The following CPED1 variants were observed in gnomAD, a reference collection of about 807,000 sequenced individuals.
CPED1 encodes the protein cadherin like and PC-esterase domain containing 1.
CPED1 carries 114 observed loss-of-function variants against 128.2 expected under a neutral mutation model. That is an observed-to-expected ratio of 0.89 (90% confidence interval 0.76 to 1.04). The LOEUF is 1.04. Among genes scored for constraint, CPED1 ranks in the 50% least tolerant of loss-of-function variants. CPED1 has a pLI of 0.00. For synonymous variants in CPED1, 462 were observed against 426.7 expected (o/e 1.08, Z -1.02); for missense variants, 1,211 against 1,207.1 (o/e 1.00, Z -0.05).
chr7:121,063,527 C>T (rs1342760241), intron 4 of CPED1, among the ~76,000 whole-genome samples: 1 of 151,906 alleles, frequency 6.6e-6, no homozygotes, highest in Non-Finnish European at 1.5e-5. Context: ...TGCTGCAATA[C>T]TTTATTAGGT....
chr7:121,008,918 G>A (rs527473897), intron 2 of CPED1, among the ~76,000 whole-genome samples: 2 of 152,266 alleles, frequency 1.3e-5, no homozygotes, highest in South Asian at 2.1e-4. Context: ...GGCAGAATCG[G>A]TTTTGCCATC....
chr7:121,293,762 A>G (rs962030982), intron 22 of CPED1, among the ~76,000 whole-genome samples: 4 of 151,836 alleles, frequency 2.6e-5, no homozygotes, highest in African/African-American at 9.7e-5. Context: ...TAGGGGAGGG[A>G]GTTCCCTAAC....
chr7:121,098,119 AT>A (rs1309847496), intron 6 of CPED1, among the ~76,000 whole-genome samples: 2 of 152,194 alleles, frequency 1.3e-5, no homozygotes, highest in Admixed American at 6.6e-5. Context: ...AAACTATAAA[AT>A]TTTAACTTCC....
intron 3 of CPED1, among the ~76,000 whole-genome samples, chr7:121,032,523 G>C (rs1038327665): frequency 4.8e-5 from 7 of 147,110 alleles, no homozygotes; most frequent in African/African-American, 7.5e-5. Context: ...ATCATACCGC[G>C]GGGGGGGCCT....
intron 16 of CPED1, among the ~76,000 whole-genome samples, chr7:121,227,295 A>G (rs888313711): frequency 6.6e-6 from 1 of 151,966 alleles, no homozygotes; most frequent in East Asian, 1.9e-4. Flanking sequence ...TATACTGACA[A>G]TAGCTTCAAT....
chr7:121,159,516 T>C (rs1353326307), intron 16 of CPED1, among the ~76,000 whole-genome samples: 2 of 152,212 alleles, frequency 1.3e-5, no homozygotes, highest in Non-Finnish European at 2.9e-5. Flanking sequence ...TGAAGTTAGA[T>C]ACATATTTAA....
intron 7 of CPED1, among the ~76,000 whole-genome samples, chr7:121,105,575 C>A (rs969624354): frequency 3.3e-5 from 5 of 152,060 alleles, no homozygotes; most frequent in African/African-American, 1.2e-4. Context: ...TATTACTTAA[C>A]CTACTTTTGC....
chr7:121,095,714 A>G (rs899784864), intron 5 of CPED1, among the ~76,000 whole-genome samples: 4 of 152,116 alleles, frequency 2.6e-5, no homozygotes, highest in African/African-American at 9.7e-5. Context: ...GCTCCACTTG[A>G]GCTAAACCAG....
intron 4 of CPED1, among the ~76,000 whole-genome samples, chr7:121,054,485 T>C (rs1323703545): frequency 6.6e-6 from 1 of 152,188 alleles, no homozygotes; most frequent in Middle Eastern, 3.2e-3. Context: ...GTGTGTGGTC[T>C]TCTTGTCTTT....
intron 22 of CPED1, among the ~76,000 whole-genome samples, chr7:121,282,361 C>T (rs575001724): frequency 1.7e-4 from 26 of 152,142 alleles, no homozygotes; most frequent in Admixed American, 9.2e-4. Flanking sequence ...ACATTCCAGT[C>T]GACCCTTTAG....
chr7:121,023,450 T>A (rs1053049822), intron 3 of CPED1, among the ~76,000 whole-genome samples: 2 of 152,140 alleles, frequency 1.3e-5, no homozygotes, highest in African/African-American at 2.4e-5. Flanking sequence ...GGTTGCTGTA[T>A]TATGTAGCAG....
chr7:121,282,805 T>C (rs1469632040), intron 22 of CPED1, among the ~76,000 whole-genome samples: 1 of 152,224 alleles, frequency 6.6e-6, no homozygotes, highest in African/African-American at 2.4e-5. Flanking sequence ...TTTGAAGTCA[T>C]TTCATTCTTG....
At chr7:121,027,881 T>A (rs1792635691) in intron 3 of CPED1, among the ~76,000 whole-genome samples, 1 of 151,990 alleles carries the variant, frequency 6.6e-6, no homozygotes, top group African/African-American at 2.4e-5. Flanking sequence ...TCTTGGAATT[T>A]AAAAAATCTT....
intron 3 of CPED1, among the ~76,000 whole-genome samples, chr7:121,025,856 A>G (rs2116843473): frequency 6.6e-6 from 1 of 152,264 alleles, no homozygotes; most frequent in African/African-American, 2.4e-5. Flanking sequence ...CTATGGGCAG[A>G]ATTTGGAGAG....
rs1348147859 is a variant in CPED1 at position 121,211,583 on chromosome 7, G to GTCCC, written c.2056-25131_2056-25130insTCCC. Among the ~76,000 whole-genome samples the GTCCC allele has an allele frequency of 1.8e-4, 28 of 152,284 alleles. No individual in the cohort carries two copies. In the South Asian group the frequency reaches 5.0e-3, roughly 27 times the overall value. The stretch of plus-strand genomic sequence containing the variant: ...GACAGCAGACACGTGACATATTCTG[G>GTCCC]AGATCAGCTTGAACTATCACAGGGC... On this transcript the variant is annotated intron_variant, in intron 16 of 22. Coordinates refer to ENST00000310396, the MANE Select transcript of CPED1 (RefSeq NM_024913.5).
intron 16 of CPED1, among the ~76,000 whole-genome samples, chr7:121,213,890 C>T (rs1797701272): frequency 6.6e-6 from 1 of 152,008 alleles, no homozygotes; most frequent in Non-Finnish European, 1.5e-5. Flanking sequence ...CTTAACCAAA[C>T]ACCTTATTTG....
In CPED1 at chr7:121,048,761, A is replaced by T. The variant is rs181150530; in HGVS notation, c.540+1768A>T. Among the ~76,000 whole-genome samples the T allele has an allele frequency of 2.7e-4, 41 of 151,636 alleles. No individual in the cohort carries two copies. In the East Asian group the frequency reaches 6.6e-3, roughly 25 times the overall value. ...GCTGTGTTGACCAGGCTGGTCTTGA[A>T]CTCCTGGCCTCATGTGATCTACCTG... On this transcript the variant is annotated intron_variant, in intron 4 of 22. Transcript: ENST00000310396.
At chr7:121,139,515 G>T (rs1795854918) in intron 14 of CPED1, among the ~76,000 whole-genome samples, 2 of 151,814 alleles carry the variant, frequency 1.3e-5, no homozygotes, top group South Asian at 2.1e-4. Context: ...ATTTGGTGGT[G>T]CACCTCCACG....
At chr7:121,089,366 A>C in intron 5 of CPED1, among the ~76,000 whole-genome samples, 1 of 152,200 alleles carries the variant, frequency 6.6e-6, no homozygotes, top group East Asian at 1.9e-4. Flanking sequence ...ATAACATAGA[A>C]ATAGAGGTAA....
Sources: allele counts gnomAD v4.1 joint callset (sites outside exome capture counted in the v4.1 genomes callset), GRCh38; gene constraint gnomAD v4.1.1; transcripts MANE v1.5; gene names NCBI Gene and HGNC (gene_info 2026-07-23, HGNC 2026-07-21).